GALNT11: variants seen among roughly 807,000 people sequenced by gnomAD.
GALNT11 encodes the protein UDP-GalNAc:polypeptide N-acetylgalactosaminyltransferase 11.
A neutral mutation model predicts 72.7 loss-of-function variants in GALNT11; 47 were observed. That is an observed-to-expected ratio of 0.65 (90% CI 0.51 to 0.82). The LOEUF (loss-of-function observed/expected upper bound fraction) is 0.82, where lower values mean the gene tolerates loss of function less well. GALNT11 is among the 40% of genes least tolerant of loss of function. The pLI is 0.00. For missense variants in GALNT11, 677 were observed against 778.4 expected (o/e 0.87, Z 1.55); for synonymous variants, 270 against 286.6 (o/e 0.94, Z 0.58).
At chr7:152,087,845 G>A (rs1380177927) in intron 1 of GALNT11, among the ~76,000 whole-genome samples, 1 of 152,190 alleles carries the variant, frequency 6.6e-6, no homozygotes, top group Non-Finnish European at 1.5e-5. Context: ...TTGATTCTGA[G>A]TATCCAATAA....
In GALNT11 at chr7:152,108,293, A is replaced by G; in HGVS notation, c.962+6A>G. The G allele has an allele frequency of 1.3e-6, 2 of 1,597,790 alleles. No homozygotes were observed. The highest frequency in any genetic ancestry group is 1.7e-6 in the Non-Finnish European group (2 of 1,166,824). On this transcript the variant is annotated splice_donor_region_variant and intron_variant, in intron 6 of 11. Transcript: ENST00000430044. ...GGAGCCACTGCACCAATAAAGTAAG[A>G]TCGCTCCTTTGTTTGACAAATTCCT... is the stretch of plus-strand genomic sequence containing the variant.
rs914244149 is a variant in GALNT11, at chr7:152,049,908, A to G, written c.-39+24024A>G. ...CTGCCACTGTCCTAGGTTCATGGCA[A>G]GTACTGCCTGGCTACTGCCAGTGTT... On this transcript the variant is annotated intron_variant, in intron 1 of 11. Coordinates refer to ENST00000430044, the MANE Select transcript of GALNT11 (RefSeq NM_022087.4). 3.9e-4 allele frequency among the ~76,000 whole-genome samples: 60 copies of G among 152,078 alleles called. 1 individual carries two copies. Among genetic ancestry groups the G allele is most frequent in the South Asian group, 2.1e-4 (1 of 4,826 alleles).
chr7:152,049,635 C>T (rs1408241584), intron 1 of GALNT11, among the ~76,000 whole-genome samples: 2 of 152,126 alleles, frequency 1.3e-5, no homozygotes, highest in Admixed American at 1.3e-4. Flanking sequence ...GTGGCTACTG[C>T]CTATATTTGC....
In GALNT11 at chr7:152,094,754, A is replaced by C. The variant is rs1474861456; in HGVS notation, c.295+232A>C. Among the ~76,000 whole-genome samples, 1 of 152,216 alleles carries C rather than the reference A, an allele frequency of 6.6e-6. No homozygotes were observed. Among genetic ancestry groups the C allele is most frequent in the South Asian group, 2.1e-4 (1 of 4,830 alleles). On this transcript the variant is annotated intron_variant, in intron 2 of 11. Coordinates refer to ENST00000430044, the MANE Select transcript of GALNT11 (RefSeq NM_022087.4). This position sits in a 1 kb window ranked among gnomAD's most constrained non-coding sequence, Gnocchi z 4.3. Reference sequence around the variant, plus strand: ...TGAGAAAACAAACAAGGTCCAGGGAAGAAAAATTAAAAGGCTAGAAAGAAA... The same window carrying C: ...TGAGAAAACAAACAAGGTCCAGGGACGAAAAATTAAAAGGCTAGAAAGAAA...
chr7:152,062,235 A>G (rs1174570270), intron 1 of GALNT11, among the ~76,000 whole-genome samples: 2 of 152,156 alleles, frequency 1.3e-5, no homozygotes, highest in Admixed American at 6.5e-5. Context: ...CTTTGAAGCA[A>G]TTGTGAATGG....
intron 1 of GALNT11, among the ~76,000 whole-genome samples, chr7:152,061,735 C>T (rs1486754099): frequency 6.6e-6 from 1 of 152,150 alleles, no homozygotes; most frequent in Non-Finnish European, 1.5e-5. Context: ...ATAGGGAATC[C>T]TTTCCCCATT....
chr7:152,070,992 A>C (rs1444512940), intron 1 of GALNT11, among the ~76,000 whole-genome samples: 2 of 152,218 alleles, frequency 1.3e-5, no homozygotes, highest in East Asian at 3.9e-4. Flanking sequence ...GTGTGCAAAT[A>C]GGTGTAGGTC....
intron 1 of GALNT11, among the ~76,000 whole-genome samples, chr7:152,062,460 T>G (rs910600784): frequency 6.6e-6 from 1 of 152,190 alleles, no homozygotes; most frequent in African/African-American, 2.4e-5. Flanking sequence ...CCTTTATTTC[T>G]TTCTCCTGCC....
Position 152,105,378 on chromosome 7 carries a change from T to G in GALNT11, c.712+8T>G. 6.2e-7 allele frequency: 1 copy of G among 1,611,440 alleles called. No individual in the cohort carries two copies. Among genetic ancestry groups the G allele is most frequent in the South Asian group, 1.1e-5 (1 of 90,480 alleles). ...GCGCGGCCCACGCGACAGGTATCAC[T>G]TCTCGTTAGCTTTGCTCTACAGGTG... is the stretch of plus-strand genomic sequence containing the variant. On this transcript the variant is annotated splice_region_variant and intron_variant, in intron 5 of 11. Transcript: ENST00000430044.
At chr7:152,113,737 T>C (rs1285869702) in intron 8 of GALNT11, among the ~76,000 whole-genome samples, 1 of 32,128 alleles carries the variant, frequency 3.1e-5, no homozygotes, top group African/African-American at 1.1e-4. Context: ...TTTTTTTTTT[T>C]TTTTTTTTTT....
chr7:152,077,696 C>T (rs534723368), intron 1 of GALNT11, among the ~76,000 whole-genome samples: 1 of 152,212 alleles, frequency 6.6e-6, no homozygotes, highest in East Asian at 1.9e-4. Flanking sequence ...AGGAAGATAA[C>T]ATCTCACGCC....
chr7:152,117,394 C>A lies in GALNT11; in HGVS notation c.1452+19C>A. On this transcript the variant is annotated intron_variant, in intron 9 of 11. Transcript: ENST00000430044. ...TGGAAGGGTAAGAAAGCTGTTTTTTCCAAGTGGCTTATGAAAAGCGTTTGA... is the reference window on the plus strand; with the variant it reads ...TGGAAGGGTAAGAAAGCTGTTTTTTACAAGTGGCTTATGAAAAGCGTTTGA... 5 of 1,612,412 alleles carry A rather than the reference C, an allele frequency of 3.1e-6. No homozygotes were observed. The highest frequency in any genetic ancestry group is 4.2e-6 in the Non-Finnish European group (5 of 1,178,848).
At chr7:152,118,644 T>C (rs745960874) in intron 9 of GALNT11, 34 bp from the exon 10 acceptor site, 3 of 1,590,662 alleles carry the variant, frequency 1.9e-6, no homozygotes, top group Non-Finnish European at 2.6e-6. Context: ...TCTGGGATTG[T>C]TTCCCACATT....
chr7:152,056,377 A>G (rs988391070), intron 1 of GALNT11, among the ~76,000 whole-genome samples: 2 of 152,196 alleles, frequency 1.3e-5, no homozygotes, highest in Non-Finnish European at 2.9e-5. Context: ...GACACTGCCT[A>G]AAGTTCCCGC....
At chr7:152,044,747 A>G (rs937222510) in intron 1 of GALNT11, among the ~76,000 whole-genome samples, 2 of 152,134 alleles carry the variant, frequency 1.3e-5, no homozygotes, top group Admixed American at 1.3e-4. Context: ...GGGTACTTTG[A>G]CTTCTTCCTT....
Position 152,113,406 on chromosome 7 carries a change from G to T in GALNT11, c.1233+8G>T. 1 of 1,612,674 alleles carries T rather than the reference G, an allele frequency of 6.2e-7. No homozygotes were observed. Among genetic ancestry groups the T allele is most frequent in the Non-Finnish European group, 8.5e-7 (1 of 1,179,400 alleles). ...TGGTTGGATGAATACAAGGTGAGAT[G>T]AAATTTCTTGTTTAGAAGGATGAAT... On this transcript the variant is annotated splice_region_variant and intron_variant, in intron 8 of 11. Coordinates refer to ENST00000430044, the MANE Select transcript of GALNT11 (RefSeq NM_022087.4).
chr7:152,045,202 A>AT (rs201529967), intron 1 of GALNT11, among the ~76,000 whole-genome samples: 247 of 151,148 alleles, frequency 1.6e-3, no homozygotes, highest in African/African-American at 5.3e-3. Flanking sequence ...TTTGTTGAGG[A>AT]TTTTTTTTTA....
At position 152,112,571 on chromosome 7, in the gene GALNT11, T is replaced by C. The variant is rs188532700; in HGVS notation, c.1081-675T>C. Among the ~76,000 whole-genome samples, 37 of 152,064 alleles carry C rather than the reference T, an allele frequency of 2.4e-4. No homozygotes were observed. The East Asian group carries it at 6.9e-3, about 29-fold the overall frequency. Reference sequence around the variant, plus strand: ...AAAAAAAAGAAAAAGCAGGTTTTCATTCTGTAAGTTTTAGAATGTTAGGGT... The same window carrying C: ...AAAAAAAAGAAAAAGCAGGTTTTCACTCTGTAAGTTTTAGAATGTTAGGGT... On this transcript the variant is annotated intron_variant, in intron 7 of 11. Transcript: ENST00000430044.
At chr7:152,098,162 A>G (rs1228581666) in intron 2 of GALNT11, among the ~76,000 whole-genome samples, 2 of 152,108 alleles carry the variant, frequency 1.3e-5, no homozygotes, top group African/African-American at 4.8e-5. Context: ...TATTTGAGAA[A>G]GATTATTGGC....
Sources: gnomAD v4.1 joint callset for allele counts (sites outside exome capture counted in the v4.1 genomes callset) on GRCh38, gnomAD v4.1.1 for gene constraint, Gnocchi (gnomAD v3.1) non-coding constraint, MANE v1.5 for transcripts, NCBI Gene and HGNC (gene_info 2026-07-23, HGNC 2026-07-21) for gene names.